CAPZB: variants seen among roughly 807,000 people sequenced by gnomAD.
The protein encoded by CAPZB is F-actin-capping protein subunit beta.
Under a neutral mutation model 38.1 loss-of-function variants are expected in CAPZB, and 2 were observed. The observed-to-expected ratio is 0.05, with a 90% confidence interval of 0.02 to 0.17. The LOEUF (loss-of-function observed/expected upper bound fraction) is 0.17. Among genes scored for constraint, CAPZB ranks in the 10% least tolerant of loss-of-function variants. The pLI is 1.00. For synonymous variants in CAPZB, 107 were observed against 127.4 expected, an observed-to-expected ratio of 0.84 and a Z score of 1.08; for missense variants, 161 against 334.2, an observed-to-expected ratio of 0.48 and a Z score of 4.04.
intron 1 of CAPZB, among the ~76,000 whole-genome samples, chr1:19,429,829 G>C (rs2094436403): frequency 1.3e-5 from 2 of 152,120 alleles, no homozygotes; most frequent in South Asian, 4.1e-4. Flanking sequence ...AGGAGGGCAG[G>C]CTTGCACAGC....
At chr1:19,434,641 A>C (rs1385049191) in intron 1 of CAPZB, among the ~76,000 whole-genome samples, 2 of 152,126 alleles carry the variant, frequency 1.3e-5, no homozygotes, top group South Asian at 2.1e-4. Context: ...TAAGATTATA[A>C]TGTTTCTAGC....
chr1:19,484,233 A>C, intron 1 of CAPZB: 3 of 1,612,658 alleles, frequency 1.9e-6, no homozygotes, highest in Non-Finnish European at 2.5e-6. Flanking sequence ...AACCCTTGCA[A>C]GCTGACAGTT....
intron 1 of CAPZB, among the ~76,000 whole-genome samples, chr1:19,478,251 A>G (rs2094613911): frequency 6.6e-6 from 1 of 152,224 alleles, no homozygotes; most frequent in Non-Finnish European, 1.5e-5. Flanking sequence ...AGAAGGAACT[A>G]GCACCTGCCT....
At chr1:19,375,387 C>T (rs917565852) in intron 4 of CAPZB, among the ~76,000 whole-genome samples, 2 of 152,134 alleles carry the variant, frequency 1.3e-5, no homozygotes, top group East Asian at 3.9e-4. Flanking sequence ...TGGTGGTCTG[C>T]GGTCCCTGTC....
chr1:19,343,947 C>T (rs986384579), intron 8 of CAPZB, among the ~76,000 whole-genome samples: 3 of 152,192 alleles, frequency 2.0e-5, no homozygotes, highest in Non-Finnish European at 2.9e-5. Flanking sequence ...CCTGCCTGCA[C>T]GTTGCGCTCT....
intron 1 of CAPZB, among the ~76,000 whole-genome samples, chr1:19,422,659 C>T (rs1364139915): frequency 2.0e-5 from 3 of 151,882 alleles, no homozygotes; most frequent in Non-Finnish European, 4.4e-5. Flanking sequence ...ATGGCATGAA[C>T]CCGGGAGGCA....
intron 2 of CAPZB, among the ~76,000 whole-genome samples, chr1:19,389,045 G>A (rs1230240321): frequency 3.3e-5 from 5 of 152,100 alleles, no homozygotes; most frequent in Admixed American, 6.5e-5. Flanking sequence ...TTCCATCAGC[G>A]CTGTTTCTTT....
chr1:19,340,411 C>T (rs74620876), intron 8 of CAPZB, among the ~76,000 whole-genome samples: 3 of 152,358 alleles, frequency 2.0e-5, no homozygotes, highest in South Asian at 2.1e-4. Context: ...ACCGCATTCA[C>T]GTATGTGTGG....
At chr1:19,424,147 C>A (rs965061213) in intron 1 of CAPZB, among the ~76,000 whole-genome samples, 3 of 151,930 alleles carry the variant, frequency 2.0e-5, no homozygotes, top group African/African-American at 7.3e-5. Flanking sequence ...GTGTTTTAGA[C>A]TAATATAACA....
rs775002059 is a variant in CAPZB, at chr1:19,342,821, G to A, written c.731+1537C>T. ...GTCAGCACTTGAGAGAGCTCCCTCT[G>A]CAACTGCTTAAACTTTTGGTTGTCA... On this transcript the variant is annotated intron_variant, in intron 8 of 8. Transcript: ENST00000264202. The A allele has an allele frequency of 1.9e-6, 3 of 1,612,036 alleles. No homozygotes were observed. In the African/African-American group the frequency reaches 4.0e-5, roughly 22 times the overall value.
Position 19,485,480 on chromosome 1 carries a change from C to T in CAPZB, c.-42G>A. On this transcript the variant is annotated 5_prime_UTR_variant, in exon 1 of 9. Coordinates refer to ENST00000264202, the MANE Select transcript of CAPZB (RefSeq NM_004930.5). ...GCGGTCCCGGTCCCGGCGTCAGTGG[C>T]TCTCCCCCCCGCAGCAGGGCCCGGC... is the stretch of plus-strand genomic sequence containing the variant. 3.3e-6 allele frequency: 4 copies of T among 1,228,722 alleles called. No homozygotes were observed. Among genetic ancestry groups the T allele is most frequent in the South Asian group, 4.1e-5 (1 of 24,308 alleles). The allele number at this position is 1,228,722 out of a possible 1,614,324, so 76.1% of individuals were successfully genotyped here. A position where few individuals can be genotyped will look rare whatever the true frequency, so the allele number is the denominator to read the frequency against.
intron 2 of CAPZB, among the ~76,000 whole-genome samples, chr1:19,410,976 G>A (rs1291964759): frequency 3.9e-5 from 6 of 152,052 alleles, no homozygotes; most frequent in Non-Finnish European, 7.3e-5. Flanking sequence ...GACAGATAAG[G>A]TCCTGGATGA....
chr1:19,450,903 C>T (rs1487050695), intron 1 of CAPZB, among the ~76,000 whole-genome samples: 1 of 152,200 alleles, frequency 6.6e-6, no homozygotes, highest in Non-Finnish European at 1.5e-5. Flanking sequence ...CCCAGTGACA[C>T]CACCACCAAT....
rs895104159 is a variant in CAPZB at position 19,428,150 on chromosome 1, C to T, written c.4-8400G>A. Reference sequence around the variant, plus strand: ...GGACATAGTGGCTCACGCCTGTAATCCCAGCACTTTGGGAGGTGGAGGCGG... The same window carrying T: ...GGACATAGTGGCTCACGCCTGTAATTCCAGCACTTTGGGAGGTGGAGGCGG... On this transcript the variant is annotated intron_variant, in intron 1 of 8. Coordinates refer to ENST00000264202, the MANE Select transcript of CAPZB (RefSeq NM_004930.5). 3.9e-5 allele frequency among the ~76,000 whole-genome samples: 6 copies of T among 152,338 alleles called. 1 individual carries two copies. In the South Asian group the frequency reaches 1.2e-3, roughly 32 times the overall value.
At chr1:19,349,308 C>T (rs2093979029) in intron 6 of CAPZB, among the ~76,000 whole-genome samples, 1 of 152,044 alleles carries the variant, frequency 6.6e-6, no homozygotes, top group Non-Finnish European at 1.5e-5. Flanking sequence ...TGGGTGGAGT[C>T]AGCTCGGCAG....
At chr1:19,449,007 G>GC in intron 1 of CAPZB, 2 of 1,556,558 alleles carry the variant, frequency 1.3e-6, no homozygotes, top group Non-Finnish European at 1.7e-6. Flanking sequence ...TAGGGACGCT[G>GC]CCCCAGGCTG....
intron 6 of CAPZB, among the ~76,000 whole-genome samples, chr1:19,353,650 C>T (rs1000307492): frequency 6.6e-6 from 1 of 152,190 alleles, no homozygotes; most frequent in African/African-American, 2.4e-5. Flanking sequence ...TCCCCCAAGC[C>T]GACTGGCAGA....
At chr1:19,475,042 G>C (rs1441963147) in intron 1 of CAPZB, among the ~76,000 whole-genome samples, 1 of 152,080 alleles carries the variant, frequency 6.6e-6, no homozygotes, top group East Asian at 1.9e-4. Flanking sequence ...CCAACACAAA[G>C]CAAAGGGAGT....
In CAPZB at chr1:19,398,894, G is replaced by A. The variant is rs1044820394; in HGVS notation, c.94-13268C>T. Among the ~76,000 whole-genome samples the A allele has an allele frequency of 6.4e-5, 7 of 110,192 alleles. No homozygotes were observed. In the East Asian group the frequency reaches 1.3e-3, roughly 20 times the overall value. 72.3% of individuals were successfully genotyped at this position (110,192 alleles called of 152,430 possible). A position where few individuals can be genotyped will look rare whatever the true frequency, so the allele number is the denominator to read the frequency against. The stretch of plus-strand genomic sequence containing the variant: ...TGCACAACTCTTTTTTTTTTTTTTT[G>A]TCACCCAGGCTGCAGTGCAATGGAG... On this transcript the variant is annotated intron_variant, in intron 2 of 8. Transcript: ENST00000264202.
Sources: allele counts gnomAD v4.1 joint callset (sites outside exome capture counted in the v4.1 genomes callset), GRCh38; gene constraint gnomAD v4.1.1; transcripts MANE v1.5; gene names NCBI Gene and HGNC (gene_info 2026-07-23, HGNC 2026-07-21).